Variants in NCKAP5 observed in about 807,000 individuals in gnomAD.
NCKAP5 encodes NCK associated protein 5.
NCKAP5 carries 92 observed loss-of-function variants against 167.0 expected under a neutral mutation model. That is an observed-to-expected ratio of 0.55 (90% CI 0.47 to 0.66). The LOEUF is 0.66. NCKAP5 is among the 30% of genes least tolerant of loss of function. NCKAP5 has a pLI of 0.00. For synonymous variants in NCKAP5, 891 were observed against 877.4 expected, an observed-to-expected ratio of 1.02 and a Z score of -0.27; for missense variants, 2,378 against 2,315.0, an observed-to-expected ratio of 1.03 and a Z score of -0.56.
At chr2:133,322,138 G>T (rs1050198965) in intron 3 of NCKAP5, among the ~76,000 whole-genome samples, 2 of 152,112 alleles carry the variant, frequency 1.3e-5, no homozygotes, top group South Asian at 4.1e-4. Context: ...GGTTTATTTA[G>T]CAGAAAGGCT....
chr2:133,417,140 GGCA>G (rs1689163147), intron 3 of NCKAP5, among the ~76,000 whole-genome samples: 3 of 145,478 alleles, frequency 2.1e-5, no homozygotes, highest in Non-Finnish European at 4.5e-5. Flanking sequence ...AAAAAAAAAA[GGCA>G]GTGTTTTGTT....
rs145444293 is a variant in NCKAP5, at chr2:132,770,265, T to C, written c.5128+3551A>G. Among the ~76,000 whole-genome samples, 361 of 151,840 alleles carry C rather than the reference T, an allele frequency of 2.4e-3. 1 individual carries two copies. The highest frequency in any genetic ancestry group is 2.1e-3 in the Non-Finnish European group (146 of 67,948). Reference sequence around the variant, plus strand: ...TGTATATAAAGGGCTTTTGATGACATTGTTGATCTGCTACACATCTCTTTC... The same window carrying C: ...TGTATATAAAGGGCTTTTGATGACACTGTTGATCTGCTACACATCTCTTTC... On this transcript the variant is annotated intron_variant, in intron 16 of 19. Transcript: ENST00000409261.
In NCKAP5 at chr2:133,074,444, C is replaced by T. The variant is rs144502773; in HGVS notation, c.341+55534G>A. ...GTGTAGTCATAGCTCACTGCAGCCT[C>T]GACCTCCTGAGGCTCAAATGATCCT... On this transcript the variant is annotated intron_variant, in intron 6 of 19. Coordinates refer to ENST00000409261, the MANE Select transcript of NCKAP5 (RefSeq NM_207363.3). Among the ~76,000 whole-genome samples, 1,191 of 152,212 alleles carry T rather than the reference C, an allele frequency of 7.8e-3. 10 individuals carry two copies. The highest frequency in any genetic ancestry group is 0.026 in the African/African-American group (1,089 of 41,534).
chr2:133,274,744 T>A (rs2089657889), intron 4 of NCKAP5, among the ~76,000 whole-genome samples: 1 of 151,466 alleles, frequency 6.6e-6, no homozygotes, highest in Non-Finnish European at 1.5e-5. Context: ...AGGATTACTG[T>A]CAAAAAATGG....
At chr2:133,366,916 C>T (rs989434738) in intron 3 of NCKAP5, among the ~76,000 whole-genome samples, 3 of 152,074 alleles carry the variant, frequency 2.0e-5, no homozygotes, top group Non-Finnish European at 2.9e-5. Context: ...TACAATAATG[C>T]CCATGAAATT....
At chr2:132,879,490 C>T (rs1558892623) in intron 8 of NCKAP5, among the ~76,000 whole-genome samples, 2 of 152,190 alleles carry the variant, frequency 1.3e-5, no homozygotes, top group Admixed American at 6.5e-5. Context: ...TCCTTAGAGC[C>T]ATGTGGGTAT....
rs1022390787 is a variant in NCKAP5, at chr2:133,547,819, G to C, written c.-62+11231C>G. Among the ~76,000 whole-genome samples the C allele has an allele frequency of 2.0e-3, 291 of 147,488 alleles. 2 individuals carry two copies. The highest frequency in any genetic ancestry group is 6.8e-3 in the African/African-American group (271 of 39,908). On this transcript the variant is annotated intron_variant, in intron 2 of 19. Transcript: ENST00000409261. The stretch of plus-strand genomic sequence containing the variant: ...AACTGGAAACTCTAAAACGCAGAGC[G>C]CCTCTCCTCCTCCAAAGGAACGCAG...
At chr2:133,323,916 C>A (rs969720541) in intron 3 of NCKAP5, among the ~76,000 whole-genome samples, 7 of 152,292 alleles carry the variant, frequency 4.6e-5, no homozygotes, top group African/African-American at 1.7e-4. Context: ...TCACCCAGGG[C>A]CTGGCATCAG....
chr2:133,209,459 A>G (rs980276136), intron 5 of NCKAP5, among the ~76,000 whole-genome samples: 14 of 149,316 alleles, frequency 9.4e-5, no homozygotes, highest in Non-Finnish European at 2.9e-5. Context: ...CTAAACAAAC[A>G]AACAAACAAA....
At chr2:133,213,247 A>G (rs2086284854) in intron 5 of NCKAP5, among the ~76,000 whole-genome samples, 1 of 152,198 alleles carries the variant, frequency 6.6e-6, no homozygotes, top group Non-Finnish European at 1.5e-5. Context: ...CAAATGGCAC[A>G]AGCTGAAAAG....
chr2:133,328,096 T>C lies in NCKAP5; in HGVS notation c.70-24986A>G, dbSNP rs561490322. On this transcript the variant is annotated intron_variant, in intron 3 of 19. Transcript: ENST00000409261. ...CAACGTTGGGCCCCAAGTTACCCGA[T>C]TGGTAGAACCAAGATTTGAAAAAAT... is the stretch of plus-strand genomic sequence containing the variant. Among the ~76,000 whole-genome samples the C allele has an allele frequency of 2.4e-4, 36 of 152,320 alleles. No homozygotes were observed. The South Asian group carries it at 5.8e-3, about 25-fold the overall frequency.
At chr2:133,594,282 C>T in the NCKAP5 span, among the ~76,000 whole-genome samples, 554 of 152,276 alleles carry the variant, frequency 3.6e-3, 6 homozygotes, top group African/African-American at 0.013. Context: ...TGGGAGGAAA[C>T]CTAATGAGAA....
chr2:133,071,313 C>T (rs1156531288), intron 6 of NCKAP5, among the ~76,000 whole-genome samples: 4 of 151,708 alleles, frequency 2.6e-5, no homozygotes, highest in African/African-American at 9.7e-5. Context: ...GGCGTAGTGG[C>T]GGGCGCCTGT....
chr2:133,521,164 A>G (rs956583476), intron 2 of NCKAP5, among the ~76,000 whole-genome samples: 6 of 152,238 alleles, frequency 3.9e-5, no homozygotes, highest in Non-Finnish European at 8.8e-5. Flanking sequence ...ACATACATAC[A>G]GCAGAGACTG....
At chr2:133,427,753 T>C (rs900734523) in intron 3 of NCKAP5, among the ~76,000 whole-genome samples, 2 of 152,106 alleles carry the variant, frequency 1.3e-5, no homozygotes, top group African/African-American at 4.8e-5. Flanking sequence ...ATGTTAGCAT[T>C]AAAAAATCTA....
intron 5 of NCKAP5, among the ~76,000 whole-genome samples, chr2:133,201,411 T>C (rs1311636655): frequency 1.3e-5 from 2 of 152,074 alleles, no homozygotes; most frequent in Non-Finnish European, 2.9e-5. Flanking sequence ...ACACAAAATA[T>C]AGATGAATCT....
chr2:133,207,372 C>T (rs897460870), intron 5 of NCKAP5, among the ~76,000 whole-genome samples: 1 of 152,134 alleles, frequency 6.6e-6, no homozygotes, highest in Non-Finnish European at 1.5e-5. Context: ...TTGTTTTCCC[C>T]TTTAATCTAT....
At chr2:132,748,437 T>A (rs1247307150) in intron 16 of NCKAP5, among the ~76,000 whole-genome samples, 1 of 152,236 alleles carries the variant, frequency 6.6e-6, no homozygotes, top group Non-Finnish European at 1.5e-5. Flanking sequence ...CTACATTCTT[T>A]CTGAGTCATT....
the NCKAP5 span, among the ~76,000 whole-genome samples, chr2:133,654,503 G>A: frequency 2.0e-5 from 3 of 152,146 alleles, no homozygotes; most frequent in East Asian, 1.9e-4. Context: ...CAGGGGTAAC[G>A]AGTTTCTGCT....
Sources: gnomAD v4.1 joint callset for allele counts (sites outside exome capture counted in the v4.1 genomes callset) on GRCh38, gnomAD v4.1.1 for gene constraint, MANE v1.5 for transcripts, NCBI Gene and HGNC (gene_info 2026-07-23, HGNC 2026-07-21) for gene names.